The following LHFPL3 variants were observed in gnomAD, a reference collection of about 807,000 sequenced individuals.
LHFPL3 encodes the protein LHFPL tetraspan subfamily member 3.
Under a neutral mutation model 19.3 loss-of-function variants are expected in LHFPL3, and 5 were observed. That is an observed-to-expected ratio of 0.26 (90% CI 0.14 to 0.54). LHFPL3 has a LOEUF of 0.54. Among genes scored for constraint, LHFPL3 ranks in the 20% least tolerant of loss-of-function variants. The probability of loss-of-function intolerance (pLI) is 0.94; values close to 1 mark genes in which losing one functional copy is unlikely to be tolerated. For synonymous variants in LHFPL3, 133 were observed against 126.2 expected, an observed-to-expected ratio of 1.05 and a Z score of -0.36; for missense variants, 249 against 307.4, an observed-to-expected ratio of 0.81 and a Z score of 1.42.
intron 1 of LHFPL3, among the ~76,000 whole-genome samples, chr7:104,678,116 G>A (rs1792626406): frequency 6.6e-6 from 1 of 152,160 alleles, no homozygotes; most frequent in South Asian, 2.1e-4. Context: ...ATTCATACAT[G>A]CATATAATTT....
At chr7:104,494,798 C>G (rs894019272) in intron 1 of LHFPL3, among the ~76,000 whole-genome samples, 1 of 152,096 alleles carries the variant, frequency 6.6e-6, no homozygotes, top group African/African-American at 2.4e-5. Context: ...ATAGTCCTGG[C>G]AGCTCCTCAC....
chr7:104,610,909 T>C (rs928160005), intron 1 of LHFPL3, among the ~76,000 whole-genome samples: 5 of 152,194 alleles, frequency 3.3e-5, no homozygotes, highest in African/African-American at 1.2e-4. Flanking sequence ...AAACACACAC[T>C]CAGTTTGAAT....
At chr7:104,896,036 G>A (rs1006296317) in intron 2 of LHFPL3, 2 of 152,144 alleles carry the variant, frequency 1.3e-5, no homozygotes, top group Admixed American at 6.5e-5. Context: ...GCTTTTTCTT[G>A]GAGCATGCGC....
intron 1 of LHFPL3, among the ~76,000 whole-genome samples, chr7:104,452,499 T>TA (rs1177513819): frequency 6.6e-6 from 1 of 152,184 alleles, no homozygotes; most frequent in African/African-American, 2.4e-5. Flanking sequence ...TTTTTATTGC[T>TA]AAAAAAATCT....
intron 1 of LHFPL3, among the ~76,000 whole-genome samples, chr7:104,347,327 C>T (rs1040530212): frequency 7.9e-5 from 12 of 152,170 alleles, no homozygotes; most frequent in African/African-American, 2.6e-4. Context: ...TAAGGTCAGT[C>T]CTTTCCATAC....
intron 1 of LHFPL3, among the ~76,000 whole-genome samples, chr7:104,631,968 A>T (rs888771782): frequency 6.6e-6 from 1 of 152,198 alleles, no homozygotes; most frequent in Non-Finnish European, 1.5e-5. Flanking sequence ...CCACATTAAC[A>T]GTGCTGGGAA....
chr7:104,354,883 C>T (rs1282500976), intron 1 of LHFPL3, among the ~76,000 whole-genome samples: 1 of 152,106 alleles, frequency 6.6e-6, no homozygotes, highest in Admixed American at 6.5e-5. Context: ...GTAATTTCTA[C>T]ATATAGTCAA....
At chr7:104,434,566 A>G (rs1277935693) in intron 1 of LHFPL3, among the ~76,000 whole-genome samples, 2 of 152,222 alleles carry the variant, frequency 1.3e-5, no homozygotes, top group African/African-American at 2.4e-5. Flanking sequence ...AAGATCAATC[A>G]GTATCCCAGG....
At chr7:104,422,684 A>G (rs1029767064) in intron 1 of LHFPL3, among the ~76,000 whole-genome samples, 1 of 152,252 alleles carries the variant, frequency 6.6e-6, no homozygotes, top group Non-Finnish European at 1.5e-5. Context: ...CCTCATCTGT[A>G]CAAAGGGGAT....
intron 1 of LHFPL3, among the ~76,000 whole-genome samples, chr7:104,714,046 G>A (rs1015461737): frequency 2.0e-5 from 3 of 152,152 alleles, no homozygotes; most frequent in Admixed American, 1.3e-4. Flanking sequence ...TTCTGATCAC[G>A]CATTGTTCTT....
intron 1 of LHFPL3, among the ~76,000 whole-genome samples, chr7:104,575,624 G>A (rs1790323736): frequency 6.7e-6 from 1 of 148,392 alleles, no homozygotes; most frequent in Admixed American, 6.7e-5. Flanking sequence ...CCCAATGGTG[G>A]GCTTCTTTGC....
intron 2 of LHFPL3, among the ~76,000 whole-genome samples, chr7:104,869,553 A>C (rs1791792805): frequency 6.6e-6 from 1 of 152,008 alleles, no homozygotes; most frequent in South Asian, 2.1e-4. Flanking sequence ...ACCATCTCAC[A>C]CCAGTTAGAA....
At chr7:104,788,385 T>C (rs1157239953) in intron 2 of LHFPL3, among the ~76,000 whole-genome samples, 1 of 152,236 alleles carries the variant, frequency 6.6e-6, no homozygotes, top group Non-Finnish European at 1.5e-5. Flanking sequence ...CTGACTCCTC[T>C]GTTAACTTAG....
At chr7:104,643,379 T>C (rs1272442436) in intron 1 of LHFPL3, among the ~76,000 whole-genome samples, 5 of 152,240 alleles carry the variant, frequency 3.3e-5, no homozygotes, top group African/African-American at 1.2e-4. Context: ...ACTTTTTCTT[T>C]TGATTAAATG....
chr7:104,587,765 ATCCTCTCCAGCACCTGTTGTT>A (rs2115608649), intron 1 of LHFPL3, among the ~76,000 whole-genome samples: 2 of 151,850 alleles, frequency 1.3e-5, no homozygotes, highest in East Asian at 3.9e-4. Flanking sequence ...ATTTCTCCAC[ATCCTCTCCAGCACCTGTTGTT>A]TCCTGACTTT....
chr7:104,580,505 C>T (rs181057412), intron 1 of LHFPL3, among the ~76,000 whole-genome samples: 33 of 152,186 alleles, frequency 2.2e-4, no homozygotes, highest in African/African-American at 7.2e-4. Context: ...AAGTTGCAGT[C>T]ATCAGTGGCC....
At position 104,429,485 on chromosome 7, in the gene LHFPL3, G is replaced by GT. The variant is rs1233763157; in HGVS notation, c.445+100271dup. Among the ~76,000 whole-genome samples, 765 of 138,804 alleles carry GT rather than the reference G, an allele frequency of 5.5e-3. 1 individual carries two copies. Among genetic ancestry groups the GT allele is most frequent in the African/African-American group, 0.02 (676 of 33,174 alleles). 91.1% of individuals were successfully genotyped at this position (138,804 alleles called of 152,430 possible). On this transcript the variant is annotated intron_variant, in intron 1 of 2. Transcript: ENST00000424859. ...ACTATGCCAGGCTATTTTTTGTTTT[G>GT]TTTTTTTTTTAGTAGAGATGGGGTT...
rs983388644 is a variant in LHFPL3, at chr7:104,604,967, T to A, written c.446-131708T>A. 3.3e-5 allele frequency among the ~76,000 whole-genome samples: 5 copies of A among 152,204 alleles called. No individual in the cohort carries two copies. In the East Asian group the frequency reaches 9.6e-4, roughly 29 times the overall value. On this transcript the variant is annotated intron_variant, in intron 1 of 2. Coordinates refer to ENST00000424859, the MANE Select transcript of LHFPL3 (RefSeq NM_199000.3). ...ACCATTAGAATTAAATGTACTTTAC[T>A]GGGGGAAAACAGTCATTTTCCTACA...
At chr7:104,885,297 T>C (rs1221632214) in intron 2 of LHFPL3, among the ~76,000 whole-genome samples, 1 of 152,144 alleles carries the variant, frequency 6.6e-6, no homozygotes, top group Non-Finnish European at 1.5e-5. Flanking sequence ...CTTTCCTCCT[T>C]CTCTTTCTAC....
Sources: gnomAD v4.1 joint callset for allele counts (sites outside exome capture counted in the v4.1 genomes callset) on GRCh38, gnomAD v4.1.1 for gene constraint, MANE v1.5 for transcripts, NCBI Gene and HGNC (gene_info 2026-07-23, HGNC 2026-07-21) for gene names.